ANO3: variants seen among roughly 807,000 people sequenced by gnomAD.
ANO3 encodes the protein anoctamin-3.
ANO3 carries 99 observed loss-of-function variants against 144.8 expected under a neutral mutation model. That is an observed-to-expected ratio of 0.68 (90% CI 0.58 to 0.81). The LOEUF (loss-of-function observed/expected upper bound fraction) is 0.81. Ranked by LOEUF, ANO3 falls within the 30% of genes least tolerant of loss-of-function variation. The probability of loss-of-function intolerance (pLI) is 0.00; values close to 1 mark genes in which losing one functional copy is unlikely to be tolerated. For synonymous variants in ANO3, 414 were observed against 392.6 expected (o/e 1.05, Z -0.64); for missense variants, 905 against 1,202.2 (o/e 0.75, Z 3.66).
intron 1 of ANO3, among the ~76,000 whole-genome samples, chr11:26,212,484 C>T (rs2133784059): frequency 6.6e-6 from 1 of 151,928 alleles, no homozygotes. Context: ...TACAAACTAC[C>T]ATCAGAGAAT....
chr11:26,456,424 A>G (rs1859162845), intron 3 of ANO3, among the ~76,000 whole-genome samples: 3 of 152,118 alleles, frequency 2.0e-5, no homozygotes, highest in South Asian at 2.1e-4. Context: ...GGACATGAAC[A>G]GACACTTCTC....
chr11:26,604,976 G>T (rs1851897586), intron 17 of ANO3, among the ~76,000 whole-genome samples: 1 of 152,104 alleles, frequency 6.6e-6, no homozygotes, highest in Non-Finnish European at 1.5e-5. Flanking sequence ...GTGAGAGAGG[G>T]CATCCTGTCT....
intron 9 of ANO3, among the ~76,000 whole-genome samples, chr11:26,535,460 A>G (rs1056926992): frequency 1.1e-4 from 17 of 152,100 alleles, no homozygotes; most frequent in African/African-American, 4.1e-4. Context: ...CATATCCTAA[A>G]AGCCTTGAAA....
chr11:26,328,674 G>T (rs953558001), upstream of ANO3, among the ~76,000 whole-genome samples: 1 of 152,186 alleles, frequency 6.6e-6, no homozygotes, highest in African/African-American at 2.4e-5. Context: ...CAGGAGACAG[G>T]TTGTGAGTTG....
chr11:26,488,268 C>A (rs570235557), intron 4 of ANO3, among the ~76,000 whole-genome samples: 7 of 152,130 alleles, frequency 4.6e-5, no homozygotes, highest in African/African-American at 1.7e-4. Flanking sequence ...GAAAAGAAAA[C>A]CCCATTTTTT....
chr11:26,565,619 G>A (rs1259228729), intron 14 of ANO3: 3 of 1,612,764 alleles, frequency 1.9e-6, no homozygotes, highest in South Asian at 1.1e-5. Context: ...TTCCGTGGCT[G>A]TTGTTGGGTA....
At chr11:26,304,801 C>T (rs557173083), upstream of ANO3, among the ~76,000 whole-genome samples, 4 of 152,142 alleles carry the variant, frequency 2.6e-5, no homozygotes, top group South Asian at 2.1e-4. Flanking sequence ...TGGCTTTGTG[C>T]ATGTATACCG....
At chr11:26,353,717 C>T (rs569370511) in intron 1 of ANO3, among the ~76,000 whole-genome samples, 8 of 152,158 alleles carry the variant, frequency 5.3e-5, no homozygotes, top group South Asian at 2.1e-4. Flanking sequence ...TACAGACATG[C>T]GCCACCGCGT....
intron 1 of ANO3, among the ~76,000 whole-genome samples, chr11:26,270,345 A>G (rs955488723): frequency 6.6e-6 from 1 of 152,140 alleles, no homozygotes. Context: ...ATCTACTAAA[A>G]TTACTCTATT....
chr11:26,569,281 C>T (rs937086560), intron 14 of ANO3, among the ~76,000 whole-genome samples: 1 of 152,082 alleles, frequency 6.6e-6, no homozygotes, highest in Admixed American at 6.6e-5. Context: ...TAATTTATCT[C>T]CCAGGAAAAG....
chr11:26,624,385 TTTC>T, intron 17 of ANO3, 74 bp from the exon 18 acceptor site: 1 of 1,009,088 alleles, frequency 9.9e-7, no homozygotes, highest in East Asian at 2.4e-5. Context: ...ATTATAGATG[TTTC>T]TTCAAATAGT....
chr11:26,551,518 A>T lies in ANO3; in HGVS notation c.1290-1731A>T, dbSNP rs563256513. 2.0e-5 allele frequency among the ~76,000 whole-genome samples: 3 copies of T among 152,110 alleles called. No homozygotes were observed. In the South Asian group the frequency reaches 6.2e-4, roughly 31 times the overall value. ...AATGTTGAGTAACTTTCAGAAAATG[A>T]ATGTAATGATTCTAGCAGTAAAAAG... On this transcript the variant is annotated intron_variant, in intron 12 of 26. Transcript: ENST00000256737.
intron 20 of ANO3, among the ~76,000 whole-genome samples, chr11:26,637,299 G>A (rs1008768699): frequency 3.3e-5 from 5 of 152,072 alleles, no homozygotes; most frequent in Non-Finnish European, 7.4e-5. Flanking sequence ...ATGATCCTAT[G>A]ATCATCTTCT....
chr11:26,505,846 G>A (rs943135465), intron 4 of ANO3, among the ~76,000 whole-genome samples: 1 of 151,970 alleles, frequency 6.6e-6, no homozygotes, highest in Non-Finnish European at 1.5e-5. Flanking sequence ...AGCTGGGCGT[G>A]GTGGCGGGCG....
chr11:26,406,339 G>A (rs981458813), intron 1 of ANO3, among the ~76,000 whole-genome samples: 2 of 151,700 alleles, frequency 1.3e-5, no homozygotes, highest in East Asian at 3.9e-4. Context: ...AACTTCCAAA[G>A]GTCACACTCC....
In ANO3 at chr11:26,544,273, T is replaced by TATATACACAC; in HGVS notation, c.1154+2206_1154+2207insTATACACACA. Among the ~76,000 whole-genome samples the TATATACACAC allele has an allele frequency of 5.1e-5, 3 of 58,544 alleles. No individual in the cohort carries two copies. The East Asian group carries it at 3.5e-3, about 67-fold the overall frequency. 38.4% of individuals were successfully genotyped at this position (58,544 alleles called of 152,430 possible). A position where few individuals can be genotyped will look rare whatever the true frequency, so the allele number is the denominator to read the frequency against. On this transcript the variant is annotated intron_variant, in intron 11 of 26. Transcript: ENST00000256737. The stretch of plus-strand genomic sequence containing the variant: ...ATACATATATATATATATATATATA[T>TATATACACAC]ACACACATACACACACACACACACA...
chr11:26,351,900 C>T (rs1275385011), intron 1 of ANO3, among the ~76,000 whole-genome samples: 1 of 152,122 alleles, frequency 6.6e-6, no homozygotes, highest in Non-Finnish European at 1.5e-5. Flanking sequence ...AATGCAAAGA[C>T]AGGTAGAGAG....
At chr11:26,355,978 G>A (rs1183656864) in intron 1 of ANO3, among the ~76,000 whole-genome samples, 2 of 152,074 alleles carry the variant, frequency 1.3e-5, no homozygotes, top group Non-Finnish European at 2.9e-5. Context: ...GTTGTAGGAG[G>A]TTTTCTTTGT....
At chr11:26,644,487 T>C (rs553323600) in intron 23 of ANO3, among the ~76,000 whole-genome samples, 1 of 152,344 alleles carries the variant, frequency 6.6e-6, no homozygotes, top group East Asian at 1.9e-4. Flanking sequence ...CTGGAGCACC[T>C]GTTCAAAGAG....
Sources: gnomAD v4.1 joint callset for allele counts (sites outside exome capture counted in the v4.1 genomes callset) on GRCh38, gnomAD v4.1.1 for gene constraint, MANE v1.5 for transcripts, NCBI Gene and HGNC (gene_info 2026-07-23, HGNC 2026-07-21) for gene names.